Variants in STK3 observed in about 807,000 individuals in gnomAD.
STK3 encodes the protein serine/threonine kinase 3.
Under a neutral mutation model 58.0 loss-of-function variants are expected in STK3, and 41 were observed. The observed-to-expected ratio is 0.71, with a 90% CI of 0.55 to 0.92. The LOEUF is 0.92. Among genes scored for constraint, STK3 ranks in the 40% least tolerant of loss-of-function variants. The pLI is 0.00. For synonymous variants in STK3, 170 were observed against 191.0 expected, an observed-to-expected ratio of 0.89 and a Z score of 0.91; for missense variants, 479 against 602.7, an observed-to-expected ratio of 0.79 and a Z score of 2.15.
intron 3 of STK3, among the ~76,000 whole-genome samples, chr8:98,394,792 G>A (rs945196883): frequency 3.9e-5 from 6 of 152,180 alleles, no homozygotes; most frequent in African/African-American, 1.4e-4. Context: ...AAGAAGTCTG[G>A]TGCTTACTTA....
Position 98,528,953 on chromosome 8 carries a change from T to C in STK3, c.1142-2036A>G, listed in dbSNP as rs372449510. The stretch of plus-strand genomic sequence containing the variant: ...CATCCCCAGTTCCTTTCATAGGATA[T>C]ATGTTTCAGATTCATCATCAACTTG... On this transcript the variant is annotated intron_variant, in intron 9 of 10. Transcript: ENST00000419617. Among the ~76,000 whole-genome samples the C allele has an allele frequency of 7.2e-5, 11 of 152,288 alleles. 2 individuals carry two copies. The highest frequency in any genetic ancestry group is 2.6e-4 in the African/African-American group (11 of 41,568).
chr8:98,848,832 A>G (rs2131825469), intron 3 of STK3, among the ~76,000 whole-genome samples: 1 of 152,290 alleles, frequency 6.6e-6, no homozygotes, highest in Middle Eastern at 3.4e-3. Context: ...TTTGATGTGG[A>G]CATGTGTTTG....
At chr8:98,846,239 G>T (rs1836194475) in intron 3 of STK3, among the ~76,000 whole-genome samples, 2 of 152,184 alleles carry the variant, frequency 1.3e-5, no homozygotes, top group African/African-American at 4.8e-5. Flanking sequence ...TTAGTATGGG[G>T]TTGGAGCAGT....
At chr8:98,467,299 T>C (rs973189765) in intron 10 of STK3, among the ~76,000 whole-genome samples, 4 of 152,102 alleles carry the variant, frequency 2.6e-5, no homozygotes, top group Admixed American at 6.5e-5. Context: ...AACAGCTACA[T>C]CTCTAGTGCC....
chr8:98,909,898 T>G (rs1839064216), intron 1 of STK3, among the ~76,000 whole-genome samples: 4 of 152,252 alleles, frequency 2.6e-5, no homozygotes, highest in African/African-American at 9.6e-5. Context: ...TAATACTATG[T>G]TTAATCATTT....
intron 9 of STK3, among the ~76,000 whole-genome samples, chr8:98,535,318 CAAAAA>C (rs1285460256): frequency 6.6e-6 from 1 of 152,078 alleles, no homozygotes; most frequent in Non-Finnish European, 1.5e-5. Flanking sequence ...AAGAACAAAA[CAAAAA>C]CAATAGAAAC....
At chr8:98,858,077 A>G (rs1399941047) in intron 3 of STK3, among the ~76,000 whole-genome samples, 1 of 151,744 alleles carries the variant, frequency 6.6e-6, no homozygotes, top group African/African-American at 2.4e-5. Flanking sequence ...TTGTAATAAA[A>G]TGAATTTTAA....
At chr8:98,903,613 ACAATAGCAGCCCAACTGCTGGGTT>A (rs1838770402) in intron 1 of STK3, among the ~76,000 whole-genome samples, 1 of 148,938 alleles carries the variant, frequency 6.7e-6, no homozygotes, top group South Asian at 2.1e-4. Context: ...GTGCAGTGAC[ACAATAGCAGCCCAACTGCTGGGTT>A]CAAGTGATCC....
At chr8:98,700,969 C>G (rs1386675788) in intron 6 of STK3, among the ~76,000 whole-genome samples, 3 of 152,128 alleles carry the variant, frequency 2.0e-5, no homozygotes, top group Non-Finnish European at 4.4e-5. Flanking sequence ...CGCCACTGCA[C>G]TCCAGCCTGG....
chr8:98,676,003 A>C (rs186219865), intron 6 of STK3, among the ~76,000 whole-genome samples: 5 of 152,380 alleles, frequency 3.3e-5, no homozygotes, highest in Non-Finnish European at 5.9e-5. Flanking sequence ...ATGTGTACGC[A>C]TAAATGAAAT....
At position 98,800,350 on chromosome 8, in the gene STK3, G is replaced by T. The variant is rs1360459728; in HGVS notation, c.26+25165C>A. Among the ~76,000 whole-genome samples the T allele has an allele frequency of 6.6e-6, 1 of 152,254 alleles. No individual in the cohort carries two copies. Among genetic ancestry groups the T allele is most frequent in the East Asian group, 1.9e-4 (1 of 5,204 alleles). On this transcript the variant is annotated intron_variant, in intron 1 of 10. Transcript: ENST00000419617. This position sits in a 1 kb window ranked among gnomAD's most constrained non-coding sequence, Gnocchi z 4.8. ...CTTCAAAGCCCCTATCCAGCAGGAA[G>T]TAGTTAGAGCGGTCATCGGCCAAAT...
At chr8:98,553,035 A>G (rs1182734234) in intron 8 of STK3, among the ~76,000 whole-genome samples, 1 of 152,176 alleles carries the variant, frequency 6.6e-6, no homozygotes, top group Non-Finnish European at 1.5e-5. Context: ...TTGACAGTAA[A>G]ATGGGAATAC....
intron 6 of STK3, among the ~76,000 whole-genome samples, chr8:98,621,137 TC>T (rs1324183143): frequency 6.6e-6 from 1 of 152,186 alleles, no homozygotes; most frequent in Non-Finnish European, 1.5e-5. Flanking sequence ...ATTTTTGTAT[TC>T]ACCGTTTTAG....
chr8:98,507,268 G>A (rs1824171135), intron 10 of STK3, among the ~76,000 whole-genome samples: 1 of 152,160 alleles, frequency 6.6e-6, no homozygotes, highest in South Asian at 2.1e-4. Context: ...CCTGGATGCA[G>A]AAGAACTTCC....
chr8:98,816,775 C>G (rs368836291), intron 1 of STK3, among the ~76,000 whole-genome samples: 158 of 152,222 alleles, frequency 1.0e-3, no homozygotes, highest in African/African-American at 3.5e-3. Flanking sequence ...CTCAGGTGAT[C>G]TACCCACCTC....
At chr8:98,897,211 C>T (rs1335460211) in intron 1 of STK3, among the ~76,000 whole-genome samples, 1 of 152,134 alleles carries the variant, frequency 6.6e-6, no homozygotes. Flanking sequence ...CAGTTTGTTT[C>T]CATGCATCAC....
At chr8:98,701,252 G>T (rs1397931755) in intron 6 of STK3, among the ~76,000 whole-genome samples, 2 of 147,782 alleles carry the variant, frequency 1.4e-5, no homozygotes, top group Admixed American at 7.0e-5. Flanking sequence ...AAAGAAAGAG[G>T]GAAGGAAGGA....
At chr8:98,408,580 A>AAG (rs1228523898) in intron 3 of STK3, among the ~76,000 whole-genome samples, 4 of 152,182 alleles carry the variant, frequency 2.6e-5, no homozygotes, top group African/African-American at 9.7e-5. Flanking sequence ...GGCTTAAGGG[A>AAG]AGACTCAATG....
intron 1 of STK3, among the ~76,000 whole-genome samples, chr8:98,444,431 A>G (rs1818846159): frequency 6.6e-6 from 1 of 152,170 alleles, no homozygotes; most frequent in Non-Finnish European, 1.5e-5. Context: ...GCAGGGTGAG[A>G]TCGACTGAGG....
Sources: allele counts gnomAD v4.1 joint callset (sites outside exome capture counted in the v4.1 genomes callset), GRCh38; gene constraint gnomAD v4.1.1; non-coding constraint Gnocchi (gnomAD v3.1); transcripts MANE v1.5; gene names NCBI Gene and HGNC (gene_info 2026-07-23, HGNC 2026-07-21).